MTMR7: variants seen among roughly 807,000 people sequenced by gnomAD.
The protein encoded by MTMR7 is phosphatidylinositol-3-phosphate phosphatase MTMR7.
In MTMR7, 76 loss-of-function variants were observed where a neutral mutation model predicts 81.2. That is an observed-to-expected ratio of 0.94 (90% CI 0.78 to 1.13). MTMR7 has a LOEUF of 1.13. Among genes scored for constraint, MTMR7 ranks in the 50% most tolerant of loss-of-function variants. MTMR7 has a pLI of 0.00. For missense variants in MTMR7, 1,044 were observed against 820.0 expected (o/e 1.27, Z -3.34); for synonymous variants, 372 against 289.8 (o/e 1.28, Z -2.88).
At chr8:17,374,500 A>G (rs1027781613) in intron 1 of MTMR7, among the ~76,000 whole-genome samples, 4 of 152,218 alleles carry the variant, frequency 2.6e-5, no homozygotes, top group African/African-American at 7.2e-5. Context: ...GGGTGCCTGT[A>G]GTCCCAGCTA....
At position 17,331,157 on chromosome 8, in the gene MTMR7, C is replaced by A. The variant is rs1417207698; in HGVS notation, c.858G>T (p.Met286Ile). Residue 286 changes from methionine (M) to isoleucine (I), a missense_variant, in exon 7 of 14, where the codon ATG becomes ATT. By Grantham distance (10) the Met-to-Ile change is conservative. Transcript: ENST00000180173. The part of the protein sequence containing the change: ...IHVMRNSLQK[M>I]LEVCELKSPS... ...CATAAGGAAATGGTTTACCTTCCAG[C>A]ATTTTCTGCAGACTGTTCCTCATGA... is the stretch of plus-strand genomic sequence containing the variant. 8 of 1,610,390 alleles carry A rather than the reference C, an allele frequency of 5.0e-6. No individual in the cohort carries two copies. In the South Asian group the frequency reaches 8.9e-5, roughly 18 times the overall value.
intron 4 of MTMR7, among the ~76,000 whole-genome samples, chr8:17,352,628 A>C (rs1021824177): frequency 6.6e-6 from 1 of 152,200 alleles, no homozygotes; most frequent in African/African-American, 2.4e-5. Flanking sequence ...AAAAACTTTT[A>C]TACATCAAAG....
intron 1 of MTMR7, among the ~76,000 whole-genome samples, chr8:17,387,096 C>A (rs1820969259): frequency 6.6e-6 from 1 of 152,192 alleles, no homozygotes; most frequent in Non-Finnish European, 1.5e-5. Context: ...CTTTCATTCC[C>A]AAAGCAGTCA....
chr8:17,375,530 T>C (rs1820560251), intron 1 of MTMR7, among the ~76,000 whole-genome samples: 2 of 151,572 alleles, frequency 1.3e-5, no homozygotes, highest in South Asian at 4.2e-4. Context: ...ATGCTGCACA[T>C]TCTTTTGTAT....
At chr8:17,389,775 C>A (rs940493723) in intron 1 of MTMR7, among the ~76,000 whole-genome samples, 5 of 151,980 alleles carry the variant, frequency 3.3e-5, no homozygotes. Flanking sequence ...TAAAACAAAA[C>A]TTCATCTGCA....
chr8:17,372,855 G>T, intron 2 of MTMR7: 1 of 350,902 alleles, frequency 2.8e-6, no homozygotes, highest in South Asian at 3.8e-5. Flanking sequence ...CTCCTTGACA[G>T]CTGTGACAGG....
chr8:17,307,475 TGGC>T (rs937602891), intron 10 of MTMR7, among the ~76,000 whole-genome samples: 43 of 152,278 alleles, frequency 2.8e-4, no homozygotes, highest in African/African-American at 1.0e-3. Context: ...GAAGTCAGTG[TGGC>T]GATTCCTCAG....
At chr8:17,389,413 G>A (rs1347523984) in intron 1 of MTMR7, among the ~76,000 whole-genome samples, 1 of 152,106 alleles carries the variant, frequency 6.6e-6, no homozygotes, top group African/African-American at 2.4e-5. Context: ...ACTGTGGGAA[G>A]AAAGGAAAAG....
intron 5 of MTMR7, among the ~76,000 whole-genome samples, chr8:17,347,497 C>A (rs1038705070): frequency 6.6e-6 from 1 of 152,152 alleles, no homozygotes; most frequent in Non-Finnish European, 1.5e-5. Context: ...TGCTCTACCC[C>A]CCGGCTGTAG....
At chr8:17,319,112 G>A (rs948217027) in intron 7 of MTMR7, among the ~76,000 whole-genome samples, 4 of 152,274 alleles carry the variant, frequency 2.6e-5, no homozygotes, top group Admixed American at 2.6e-4. Flanking sequence ...TAATAATCAT[G>A]ATATACGCAT....
At chr8:17,391,373 T>G (rs967414521) in intron 1 of MTMR7, among the ~76,000 whole-genome samples, 7 of 152,168 alleles carry the variant, frequency 4.6e-5, no homozygotes, top group Admixed American at 3.3e-4. Context: ...ATATATTGTT[T>G]TAAAGAACTG....
rs577427512 is a variant in MTMR7, at chr8:17,311,498, T to A, written c.1101+13A>T. On this transcript the variant is annotated intron_variant, in intron 9 of 13. Transcript: ENST00000180173. The stretch of plus-strand genomic sequence containing the variant: ...GGCACCGCCTGTGGGAATCGCCCAG[T>A]GGCCACACTCACCATGAAGCCCTTC... 6.2e-7 allele frequency: 1 copy of A among 1,614,020 alleles called. No homozygotes were observed. Among genetic ancestry groups the A allele is most frequent in the Admixed American group, 1.7e-5 (1 of 60,006 alleles).
intron 4 of MTMR7, 80 bp from the exon 5 acceptor site, chr8:17,349,161 A>G: frequency 1.3e-6 from 2 of 1,521,860 alleles, no homozygotes; most frequent in Middle Eastern, 1.7e-4. Flanking sequence ...CCACTTCACC[A>G]CGCTTACAGG....
chr8:17,372,650 A>G (rs1820453297), intron 2 of MTMR7, among the ~76,000 whole-genome samples: 1 of 152,114 alleles, frequency 6.6e-6, no homozygotes, highest in South Asian at 2.1e-4. Flanking sequence ...TAATGGTTTC[A>G]TTAATAAGTA....
chr8:17,408,934 G>A (rs1373870741), intron 1 of MTMR7, among the ~76,000 whole-genome samples: 1 of 152,076 alleles, frequency 6.6e-6, no homozygotes, highest in Non-Finnish European at 1.5e-5. Context: ...TAAAACCACT[G>A]AATTGTGCAT....
intron 6 of MTMR7, among the ~76,000 whole-genome samples, chr8:17,335,128 A>G (rs933401155): frequency 6.6e-6 from 1 of 152,176 alleles, no homozygotes; most frequent in African/African-American, 2.4e-5. Flanking sequence ...AGTGTCCACA[A>G]CAGAGAAGAT....
At chr8:17,355,547 T>C (rs1819865226) in intron 4 of MTMR7, among the ~76,000 whole-genome samples, 1 of 151,732 alleles carries the variant, frequency 6.6e-6, no homozygotes, top group African/African-American at 2.4e-5. Flanking sequence ...GGACAAAGTT[T>C]AGCAAACAGA....
intron 3 of MTMR7, among the ~76,000 whole-genome samples, chr8:17,370,744 G>A (rs1228908758): frequency 5.3e-5 from 8 of 151,788 alleles, no homozygotes; most frequent in Admixed American, 3.3e-4. Flanking sequence ...TATAAGAAGT[G>A]CATAACTTAA....
intron 4 of MTMR7, among the ~76,000 whole-genome samples, chr8:17,353,317 T>C (rs956544488): frequency 5.3e-5 from 8 of 152,180 alleles, no homozygotes; most frequent in Non-Finnish European, 7.3e-5. Context: ...TTAATGGGTA[T>C]AGAGTATCAG....
Sources: gnomAD v4.1 joint callset for allele counts (sites outside exome capture counted in the v4.1 genomes callset) on GRCh38, gnomAD v4.1.1 for gene constraint, MANE v1.5 for transcripts, NCBI Gene and HGNC (gene_info 2026-07-23, HGNC 2026-07-21) for gene names.